The following MYO5B variants were observed in gnomAD, a reference collection of about 807,000 sequenced individuals.
MYO5B encodes the protein myosin VB.
In MYO5B, 143 loss-of-function variants were observed where a neutral mutation model predicts 229.3. That is an observed-to-expected ratio of 0.62 (90% confidence interval 0.54 to 0.72). The LOEUF (loss-of-function observed/expected upper bound fraction) is 0.72, where lower values mean the gene tolerates loss of function less well. Ranked by LOEUF, MYO5B falls within the 30% of genes least tolerant of loss-of-function variation. The probability of loss-of-function intolerance (pLI) is 0.00; values close to 1 mark genes in which losing one functional copy is unlikely to be tolerated. For missense variants in MYO5B, 2,321 were observed against 2,331.0 expected, an observed-to-expected ratio of 1.00 and a Z score of 0.09; for synonymous variants, 918 against 885.2, an observed-to-expected ratio of 1.04 and a Z score of -0.66.
At chr18:50,135,100 A>C (rs762831708) in intron 1 of MYO5B, among the ~76,000 whole-genome samples, 2 of 152,218 alleles carry the variant, frequency 1.3e-5, no homozygotes, top group African/African-American at 2.4e-5. Flanking sequence ...AGGCAACAAG[A>C]GTCTATTTCT....
At chr18:49,884,994 G>A (rs2024627513) in intron 22 of MYO5B, among the ~76,000 whole-genome samples, 1 of 152,158 alleles carries the variant, frequency 6.6e-6, no homozygotes, top group African/African-American at 2.4e-5. Context: ...GTGTTGGTGA[G>A]AATATGAAGA....
intron 27 of MYO5B, chr18:49,871,753 G>A (rs1191401753): frequency 1.0e-5 from 3 of 293,630 alleles, no homozygotes; most frequent in African/African-American, 2.2e-5. Flanking sequence ...GAATGGGGTG[G>A]GCCTGTTCGG....
At chr18:49,833,626 A>T (rs896586562) in intron 39 of MYO5B, among the ~76,000 whole-genome samples, 2 of 152,362 alleles carry the variant, frequency 1.3e-5, no homozygotes, top group African/African-American at 4.8e-5. Context: ...GAATTCTCAT[A>T]AACAGTGGGG....
At chr18:49,901,653 T>C (rs1323052122) in intron 21 of MYO5B, among the ~76,000 whole-genome samples, 1 of 152,256 alleles carries the variant, frequency 6.6e-6, no homozygotes, top group Non-Finnish European at 1.5e-5. Context: ...GCCACTCAAC[T>C]TTTAAGCAGA....
chr18:49,990,749 A>G (rs1024315515), intron 6 of MYO5B, among the ~76,000 whole-genome samples: 4 of 152,220 alleles, frequency 2.6e-5, no homozygotes, highest in African/African-American at 9.6e-5. Context: ...ATGCAAAAGC[A>G]TGTATGTATT....
intron 1 of MYO5B, among the ~76,000 whole-genome samples, chr18:50,077,896 T>C (rs931391473): frequency 1.3e-5 from 2 of 152,178 alleles, no homozygotes; most frequent in African/African-American, 4.8e-5. Context: ...CCATTGACCT[T>C]TATTCAGCAC....
intron 7 of MYO5B, 150 bp downstream of exon 7, chr18:49,990,288 TG>T: frequency 3.0e-6 from 2 of 672,160 alleles, no homozygotes. Context: ...AATTGAGCAG[TG>T]AAATTTAGAG....
At chr18:49,922,965 T>G (rs1284957174) in intron 17 of MYO5B, among the ~76,000 whole-genome samples, 1 of 152,166 alleles carries the variant, frequency 6.6e-6, no homozygotes, top group African/African-American at 2.4e-5. Flanking sequence ...ATTTTCCACG[T>G]GGGTCTAAAG....
intron 16 of MYO5B, among the ~76,000 whole-genome samples, chr18:49,935,835 A>T (rs1160100501): frequency 3.3e-5 from 5 of 152,232 alleles, no homozygotes; most frequent in African/African-American, 1.2e-4. Flanking sequence ...GGAATGTGAG[A>T]AACAGGACCA....
chr18:50,162,587 G>T (rs576678044), intron 1 of MYO5B, among the ~76,000 whole-genome samples: 2 of 152,308 alleles, frequency 1.3e-5, no homozygotes, highest in South Asian at 4.1e-4. Flanking sequence ...TGGCTCATCA[G>T]GACATCTTTG....
chr18:50,084,104 G>A (rs778035298), intron 1 of MYO5B, among the ~76,000 whole-genome samples: 5 of 152,114 alleles, frequency 3.3e-5, no homozygotes, highest in Non-Finnish European at 5.9e-5. Flanking sequence ...ACAATATCTG[G>A]CACCTAGTTG....
At chr18:50,036,269 T>G (rs939435438) in intron 4 of MYO5B, among the ~76,000 whole-genome samples, 1 of 152,214 alleles carries the variant, frequency 6.6e-6, no homozygotes, top group Admixed American at 6.5e-5. Context: ...AAGAAACAGA[T>G]GTGCTATTTT....
At chr18:49,930,349 G>A (rs1482651552) in intron 16 of MYO5B, among the ~76,000 whole-genome samples, 1 of 152,168 alleles carries the variant, frequency 6.6e-6, no homozygotes, top group Non-Finnish European at 1.5e-5. Context: ...CCAGTCTTCA[G>A]AGATATGTGC....
intron 4 of MYO5B, among the ~76,000 whole-genome samples, chr18:50,005,308 G>A (rs2026089638): frequency 6.6e-6 from 1 of 152,150 alleles, no homozygotes; most frequent in African/African-American, 2.4e-5. Context: ...TCTGCCCTGA[G>A]TCCTGGTTCT....
chr18:50,109,921 C>T (rs180752962), intron 1 of MYO5B, among the ~76,000 whole-genome samples: 68 of 152,292 alleles, frequency 4.5e-4, no homozygotes, highest in Non-Finnish European at 7.6e-4. Flanking sequence ...AAATCCTCCA[C>T]GGGTTCCCCA....
rs192432017 is a variant in MYO5B at position 50,121,731 on chromosome 18, A to G, written c.28-66353T>C. Among the ~76,000 whole-genome samples, 230 of 152,148 alleles carry G rather than the reference A, an allele frequency of 1.5e-3. 1 individual carries two copies. Among genetic ancestry groups the G allele is most frequent in the African/African-American group, 5.3e-3 (218 of 41,480 alleles). ...AGAAAAAGACCCTATAGCCCCACAA[A>G]CCCAAACAGGCACTGTCTTCACTAA... On this transcript the variant is annotated intron_variant, in intron 1 of 39. Transcript: ENST00000285039.
intron 14 of MYO5B, chr18:49,946,512 G>A (rs774846944): frequency 6.6e-6 from 1 of 152,114 alleles, no homozygotes; most frequent in Non-Finnish European, 1.5e-5. Context: ...ATCACCAATG[G>A]GAGAATTTTA....
Position 50,173,743 on chromosome 18 carries a change from G to T in MYO5B, c.27+21024C>A, listed in dbSNP as rs553667605. Reference sequence around the variant, plus strand: ...GCCTCTTACTGGGATGGTGAGAGCTGGGGGGAGAAACAGGAATAGCAACAT... The same window carrying T: ...GCCTCTTACTGGGATGGTGAGAGCTTGGGGGAGAAACAGGAATAGCAACAT... On this transcript the variant is annotated intron_variant, in intron 1 of 39. Transcript: ENST00000285039. Among the ~76,000 whole-genome samples the T allele has an allele frequency of 2.0e-5, 3 of 152,226 alleles. No individual in the cohort carries two copies. In the East Asian group the frequency reaches 5.8e-4, roughly 29 times the overall value.
chr18:50,059,396 C>T (rs1319702005), intron 1 of MYO5B, among the ~76,000 whole-genome samples: 1 of 152,130 alleles, frequency 6.6e-6, no homozygotes, highest in Admixed American at 6.5e-5. Context: ...AGGAGAGTAA[C>T]ATCTATCCAG....
Sources: gnomAD v4.1 joint callset for allele counts (sites outside exome capture counted in the v4.1 genomes callset) on GRCh38, gnomAD v4.1.1 for gene constraint, MANE v1.5 for transcripts, NCBI Gene and HGNC (gene_info 2026-07-23, HGNC 2026-07-21) for gene names.